CRBN: variants seen among roughly 807,000 people sequenced by gnomAD.
CRBN encodes protein cereblon.
A neutral mutation model predicts 62.2 loss-of-function variants in CRBN; 53 were observed. That is an observed-to-expected ratio of 0.85 (90% CI 0.68 to 1.07). The LOEUF (loss-of-function observed/expected upper bound fraction) is 1.07, where lower values mean the gene tolerates loss of function less well. Ranked by LOEUF, CRBN falls within the 50% of genes least tolerant of loss-of-function variation. The pLI, the probability that CRBN is intolerant of heterozygous loss-of-function variation, is 0.00. For missense variants in CRBN, 616 were observed against 531.1 expected (o/e 1.16, Z -1.57); for synonymous variants, 208 against 176.1 (o/e 1.18, Z -1.43).
intron 4 of CRBN, among the ~76,000 whole-genome samples, chr3:3,168,144 A>G (rs549002571): frequency 1.3e-5 from 2 of 152,110 alleles, no homozygotes; most frequent in South Asian, 4.1e-4. Flanking sequence ...ACTTTCTTAA[A>G]CATTCTTAAG....
At chr3:3,154,586 C>A (rs910748620) in intron 7 of CRBN, 161 bp downstream of exon 7, 2 of 484,080 alleles carry the variant, frequency 4.1e-6, no homozygotes, top group African/African-American at 3.0e-5. Flanking sequence ...TTTTAAAATA[C>A]TCATTTTTTT....
At chr3:3,166,104 T>C (rs1221300170) in intron 5 of CRBN, among the ~76,000 whole-genome samples, 1 of 152,216 alleles carries the variant, frequency 6.6e-6, no homozygotes, top group African/African-American at 2.4e-5. Context: ...TGCACGGTGA[T>C]ATGATCTGGC....
intron 4 of CRBN, among the ~76,000 whole-genome samples, chr3:3,171,997 G>A (rs1669324): frequency 0.92 from 139,998 of 152,240 alleles, 65,510 homozygotes; most frequent in East Asian, 1. Flanking sequence ...GTAATATCCA[G>A]TGATCAAGGC....
At chr3:3,172,643 A>G (rs1707667036) in intron 4 of CRBN, 133 bp downstream of exon 4, 2 of 926,512 alleles carry the variant, frequency 2.2e-6, no homozygotes, top group Admixed American at 1.9e-5. Flanking sequence ...CCACTGGGCT[A>G]TACCTTAGAA....
chr3:3,172,928 T>C lies in CRBN; in HGVS notation c.378-3A>G. The C allele has an allele frequency of 6.2e-7, 1 of 1,613,076 alleles. No individual in the cohort carries two copies. The highest frequency in any genetic ancestry group is 8.5e-7 in the Non-Finnish European group (1 of 1,179,100). Reference sequence around the variant, plus strand: ...GTGCTTCCCTTTCCTGTACATTGCTTCCAAGAAAATTTTAAAAGGAAAGAA... The same window carrying C: ...GTGCTTCCCTTTCCTGTACATTGCTCCCAAGAAAATTTTAAAAGGAAAGAA... On this transcript the variant is annotated splice_polypyrimidine_tract_variant and splice_region_variant and intron_variant, in intron 3 of 10. Transcript: ENST00000231948.
chr3:3,166,933 A>G (rs1390459953), intron 5 of CRBN, among the ~76,000 whole-genome samples: 1 of 144,034 alleles, frequency 6.9e-6, no homozygotes, highest in Admixed American at 7.3e-5. Context: ...GTCTTTCCAT[A>G]TTAAAAAAAA....
At position 3,174,236 on chromosome 3, in the gene CRBN, A is replaced by T. The variant is rs1707739692; in HGVS notation, c.200T>A (p.Phe67Tyr). Residue 67 changes from phenylalanine (F) to tyrosine (Y), a missense_variant, in exon 3 of 11, where the codon TTT (phenylalanine) becomes TAT (tyrosine). Coordinates refer to ENST00000231948, the MANE Select transcript of CRBN (RefSeq NM_016302.4). ...GTCATCGTGCAAAGTCCTGCCATGA[A>T]ATTCTTCCATATCAGCACCTAGGTA... ...HTYLGADMEE[F>Y]HGRTLHDDDS... is the part of the protein sequence containing the mutation. 4 of 1,614,088 alleles carry T rather than the reference A, an allele frequency of 2.5e-6. No individual in the cohort carries two copies. The highest frequency in any genetic ancestry group is 3.4e-6 in the Non-Finnish European group (4 of 1,179,934).
At chr3:3,149,920 G>A (rs1706377599), downstream of CRBN, 8 of 152,234 alleles carry the variant, frequency 5.3e-5, no homozygotes, top group South Asian at 1.7e-3. Context: ...CTAAACCCTT[G>A]AATATAAGCA....
intron 6 of CRBN, 143 bp from the exon 7 acceptor site, chr3:3,154,974 C>T (rs1706818283): frequency 9.1e-6 from 6 of 658,122 alleles, no homozygotes; most frequent in Admixed American, 2.3e-5. Flanking sequence ...CCTCCATTTT[C>T]GTATGCAGCA....
intron 2 of CRBN, 149 bp from the exon 3 acceptor site, chr3:3,174,410 G>A: frequency 4.3e-6 from 3 of 690,966 alleles, no homozygotes; most frequent in Non-Finnish European, 7.5e-6. Flanking sequence ...GGAGGCCGAG[G>A]TAGGCGGATC....
Position 3,175,152 on chromosome 3 carries a change from A to G in CRBN, c.174+11T>C. On this transcript the variant is annotated intron_variant, in intron 2 of 10. Coordinates refer to ENST00000231948, the MANE Select transcript of CRBN (RefSeq NM_016302.4). ...TATCTATTATATTAGATCTGTCACT[A>G]AATTACATACTGTATGTGATGTCGG... 3 of 1,550,148 alleles carry G rather than the reference A, an allele frequency of 1.9e-6. No homozygotes were observed. Among genetic ancestry groups the G allele is most frequent in the South Asian group, 1.1e-5 (1 of 89,620 alleles).
chr3:3,154,945 C>T (rs1706817035), intron 6 of CRBN, 114 bp from the exon 7 acceptor site: 2 of 710,592 alleles, frequency 2.8e-6, no homozygotes, highest in African/African-American at 1.8e-5. Context: ...TCAGTCCCAT[C>T]TCAGTCCCAG....
chr3:3,176,964 C>G (rs774119340), intron 1 of CRBN, among the ~76,000 whole-genome samples: 3 of 152,290 alleles, frequency 2.0e-5, no homozygotes, highest in Non-Finnish European at 4.4e-5. Flanking sequence ...AATTTCCTAT[C>G]CTAGACCAGT....
rs1706794241 is a variant in CRBN, at chr3:3,154,506, T to C, written c.835+241A>G. 4 of 532,712 alleles carry C rather than the reference T, an allele frequency of 7.5e-6. No individual in the cohort carries two copies. In the South Asian group the frequency reaches 8.6e-5, roughly 11 times the overall value. The allele number at this position is 532,712 out of a possible 1,614,324, so 33.0% of individuals were successfully genotyped here. A position where few individuals can be genotyped will look rare whatever the true frequency, so the allele number is the denominator to read the frequency against. On this transcript the variant is annotated intron_variant, in intron 7 of 10. Transcript: ENST00000231948. ...TTGGATGACAGCCACTTCCTGCAAT[T>C]TGAACTTTTTATGGAAAACTTGTCT...
intron 5 of CRBN, among the ~76,000 whole-genome samples, chr3:3,165,368 A>G (rs1159882435): frequency 6.6e-6 from 1 of 152,186 alleles, no homozygotes; most frequent in Non-Finnish European, 1.5e-5. Flanking sequence ...ACAGCGCCGC[A>G]TGCTAAAGAG....
At position 3,154,076 on chromosome 3, in the gene CRBN, C is replaced by T; in HGVS notation, c.836-1G>A. The T allele has an allele frequency of 6.3e-7, 1 of 1,576,786 alleles. No individual in the cohort carries two copies. The highest frequency in any genetic ancestry group is 8.7e-7 in the Non-Finnish European group (1 of 1,145,968). ...CAAGCAGCTACTCTGTAAGAAAAAT[C>T]TTCAAGACATGGTTTTTCAAGTTTT... On this transcript the variant is annotated splice_acceptor_variant, in intron 7 of 10. Transcript: ENST00000231948. LOFTEE classifies it high-confidence loss of function.
intron 5 of CRBN, among the ~76,000 whole-genome samples, chr3:3,163,747 C>A (rs551699449): frequency 6.6e-6 from 1 of 151,960 alleles, no homozygotes; most frequent in African/African-American, 2.4e-5. Context: ...CATCTTGGTG[C>A]GGAAGAACTA....
At chr3:3,156,864 C>T (rs530215456) in intron 5 of CRBN, 2 of 152,250 alleles carry the variant, frequency 1.3e-5, no homozygotes, top group Non-Finnish European at 2.9e-5. Context: ...AGGAGCATGC[C>T]TAAGTCCATA....
intron 4 of CRBN, among the ~76,000 whole-genome samples, chr3:3,171,793 C>CA (rs971386185): frequency 6.6e-6 from 1 of 152,104 alleles, no homozygotes; most frequent in African/African-American, 2.4e-5. Flanking sequence ...CCACCCCGCC[C>CA]AAAAAAACCC....
Sources: gnomAD v4.1 joint callset for allele counts (sites outside exome capture counted in the v4.1 genomes callset) on GRCh38, gnomAD v4.1.1 for gene constraint, MANE v1.5 for transcripts, NCBI Gene and HGNC (gene_info 2026-07-23, HGNC 2026-07-21) for gene names.